The following VRK1 variants were observed in gnomAD, a reference collection of about 807,000 sequenced individuals.
The protein encoded by VRK1 is serine/threonine-protein kinase VRK1.
Under a neutral mutation model 57.1 loss-of-function variants are expected in VRK1, and 33 were observed. The observed-to-expected ratio is 0.58, with a 90% confidence interval of 0.44 to 0.77. VRK1 has a LOEUF of 0.77. Among genes scored for constraint, VRK1 ranks in the 30% least tolerant of loss-of-function variants. The pLI, the probability that VRK1 is intolerant of heterozygous loss-of-function variation, is 0.00. For missense variants in VRK1, 413 were observed against 477.3 expected (o/e 0.87, Z 1.25); for synonymous variants, 137 against 147.8 (o/e 0.93, Z 0.53).
chr14:96,864,316 G>C (rs1049415438), intron 11 of VRK1, among the ~76,000 whole-genome samples: 4 of 152,142 alleles, frequency 2.6e-5, no homozygotes, highest in African/African-American at 9.7e-5. Context: ...ACATCACCCA[G>C]ATCAAGATGT....
intron 11 of VRK1, among the ~76,000 whole-genome samples, chr14:96,864,010 A>G (rs537689517): frequency 1.3e-5 from 2 of 152,342 alleles, no homozygotes; most frequent in African/African-American, 4.8e-5. Flanking sequence ...GTGAAAATCT[A>G]TCTAGCTGTT....
At chr14:96,845,227 A>G (rs1052757243) in intron 3 of VRK1, among the ~76,000 whole-genome samples, 1 of 151,990 alleles carries the variant, frequency 6.6e-6, no homozygotes, top group Non-Finnish European at 1.5e-5. Context: ...TTAATTCCCA[A>G]TAAATAATGA....
rs530002221 is a variant in VRK1, at chr14:96,843,285, A to G, written c.217-2810A>G. Among the ~76,000 whole-genome samples the G allele has an allele frequency of 5.9e-4, 90 of 152,346 alleles. 1 individual carries two copies. Among genetic ancestry groups the G allele is most frequent in the African/African-American group, 2.0e-3 (85 of 41,586 alleles). On this transcript the variant is annotated intron_variant, in intron 3 of 12. Transcript: ENST00000216639. Reference sequence around the variant, plus strand: ...AGTTCTTTGAATTGCACTTACCCTTAGTCATGTCAGTAGCAGAACTAGAGG... The same window carrying G: ...AGTTCTTTGAATTGCACTTACCCTTGGTCATGTCAGTAGCAGAACTAGAGG...
intron 11 of VRK1, among the ~76,000 whole-genome samples, chr14:96,862,511 CTT>C (rs5810783): frequency 1.4e-5 from 2 of 142,000 alleles, no homozygotes; most frequent in Non-Finnish European, 1.5e-5. Context: ...ATTTTGTTAG[CTT>C]TTTTTTTTTT....
intron 10 of VRK1, among the ~76,000 whole-genome samples, chr14:96,857,312 A>G (rs1888203188): frequency 6.6e-6 from 1 of 152,118 alleles, no homozygotes; most frequent in Non-Finnish European, 1.5e-5. Flanking sequence ...TGTAATTTTA[A>G]GTAGGCTGTC....
intron 3 of VRK1, among the ~76,000 whole-genome samples, chr14:96,840,045 T>C (rs1887390663): frequency 6.6e-6 from 1 of 152,196 alleles, no homozygotes; most frequent in African/African-American, 2.4e-5. Context: ...GTGAAGGATA[T>C]TGGTCTTTCG....
chr14:96,808,021 G>GTCTCTCTCTCTCCCTC (rs1566683639), intron 1 of VRK1, among the ~76,000 whole-genome samples: 3 of 34,646 alleles, frequency 8.7e-5, no homozygotes, highest in African/African-American at 1.5e-4. Context: ...CTCCCTCTGT[G>GTCTCTCTCTCTCCCTC]TGTGTGTGTG....
intron 12 of VRK1, 63 bp downstream of exon 12, chr14:96,876,183 T>A: frequency 6.7e-7 from 1 of 1,482,030 alleles, no homozygotes; most frequent in Non-Finnish European, 9.4e-7. Context: ...TTCCTCCCAT[T>A]AGATGAGGGG....
intron 12 of VRK1, chr14:96,877,425 T>G: frequency 8.7e-7 from 1 of 1,146,408 alleles, no homozygotes; most frequent in Non-Finnish European, 1.2e-6. Context: ...GTAGTCCCTC[T>G]CTTTTTCCCG....
intron 2 of VRK1, among the ~76,000 whole-genome samples, 198 bp downstream of exon 2, chr14:96,833,829 A>G (rs1887108985): frequency 1.3e-5 from 2 of 152,220 alleles, no homozygotes; most frequent in Admixed American, 1.3e-4. Context: ...GGAGGATAAA[A>G]TAGCTGTAAT....
At chr14:96,870,671 C>T (rs996145486) in intron 11 of VRK1, among the ~76,000 whole-genome samples, 38 of 152,072 alleles carry the variant, frequency 2.5e-4, no homozygotes, top group African/African-American at 8.9e-4. Context: ...GTTGAATTTA[C>T]GGTTTTCAAA....
At chr14:96,878,132 T>C (rs1413814283) in intron 12 of VRK1, among the ~76,000 whole-genome samples, 2 of 152,154 alleles carry the variant, frequency 1.3e-5, no homozygotes, top group African/African-American at 4.8e-5. Flanking sequence ...TAAAGTACAA[T>C]GCGAGTTAAG....
chr14:96,799,138 A>G (rs970393070), intron 1 of VRK1, among the ~76,000 whole-genome samples: 1 of 152,246 alleles, frequency 6.6e-6, no homozygotes, highest in African/African-American at 2.4e-5. Context: ...AACAAATGAG[A>G]TAATGGAGTA....
chr14:96,859,558 G>T (rs528885887), intron 10 of VRK1, among the ~76,000 whole-genome samples: 6 of 152,172 alleles, frequency 3.9e-5, no homozygotes, highest in East Asian at 1.9e-4. Context: ...ATTGTTGTCC[G>T]TTTTTTTCTT....
At chr14:96,846,289 C>T in intron 4 of VRK1, 125 bp downstream of exon 4, 1 of 924,178 alleles carries the variant, frequency 1.1e-6, no homozygotes, top group Non-Finnish European at 1.7e-6. Flanking sequence ...ATAAATTCCA[C>T]TTACATGGGA....
intron 12 of VRK1, among the ~76,000 whole-genome samples, chr14:96,878,640 A>T (rs1889132557): frequency 6.6e-6 from 1 of 152,204 alleles, no homozygotes; most frequent in Non-Finnish European, 1.5e-5. Context: ...GTGTAAGAAC[A>T]CATTCTGAAA....
At chr14:96,831,596 AC>A (rs1309599752) in intron 1 of VRK1, among the ~76,000 whole-genome samples, 1 of 152,222 alleles carries the variant, frequency 6.6e-6, no homozygotes, top group East Asian at 1.9e-4. Flanking sequence ...TTTATTGACC[AC>A]AATTTACATT....
At chr14:96,872,002 C>T (rs947246521) in intron 11 of VRK1, among the ~76,000 whole-genome samples, 6 of 152,150 alleles carry the variant, frequency 3.9e-5, no homozygotes, top group East Asian at 1.9e-4. Flanking sequence ...GACGGGGTTT[C>T]GCCATGTGGC....
At chr14:96,837,575 C>T (rs1857076475) in intron 2 of VRK1, among the ~76,000 whole-genome samples, 187 bp from the exon 3 acceptor site, 1 of 152,066 alleles carries the variant, frequency 6.6e-6, no homozygotes, top group African/African-American at 2.4e-5. Context: ...GATGCATTCT[C>T]AATTCAGATA....
Sources: gnomAD v4.1 joint callset for allele counts (sites outside exome capture counted in the v4.1 genomes callset) on GRCh38, gnomAD v4.1.1 for gene constraint, MANE v1.5 for transcripts, NCBI Gene and HGNC (gene_info 2026-07-23, HGNC 2026-07-21) for gene names.